The following PI4KA variants were observed in gnomAD, a reference collection of about 807,000 sequenced individuals.
PI4KA encodes PI4-kinase alpha.
A neutral mutation model predicts 271.4 loss-of-function variants in PI4KA; 122 were observed. That is an observed-to-expected ratio of 0.45 (90% CI 0.39 to 0.52). The LOEUF is 0.52. PI4KA is among the 20% of genes least tolerant of loss of function. The pLI is 0.00. For missense variants in PI4KA, 1,969 were observed against 2,769.1 expected, an observed-to-expected ratio of 0.71 and a Z score of 6.48; for synonymous variants, 1,041 against 1,078.8, an observed-to-expected ratio of 0.96 and a Z score of 0.69.
rs1434716073 is a variant in PI4KA, at chr22:20,709,978, C to T, written c.6103G>A (p.Val2035Ile). 8.7e-6 allele frequency: 14 copies of T among 1,613,284 alleles called. No homozygotes were observed. Among genetic ancestry groups the T allele is most frequent in the African/African-American group, 4.0e-5 (3 of 74,892 alleles). Reference sequence around the variant, plus strand: ...TCCAACATGAGAGTGACCAGGGAGACGACCGCGTCCATGTAGGGCCTGGGG... The same window carrying T: ...TCCAACATGAGAGTGACCAGGGAGATGACCGCGTCCATGTAGGGCCTGGGG... ...LAVRPYMDAV[V>I]SLVTLMLDTG... The change falls in exon 53 of 55, where the codon GTC (valine) becomes ATC (isoleucine). Residue 2035 changes from valine (V) to isoleucine (I), a missense_variant. Physicochemically the swap from Val to Ile is conservative, Grantham distance 29 (BLOSUM62 3). Coordinates refer to ENST00000255882, the MANE Select transcript of PI4KA (RefSeq NM_058004.4).
At chr22:20,759,801 G>A (rs1343871212) in intron 23 of PI4KA, among the ~76,000 whole-genome samples, 1 of 152,168 alleles carries the variant, frequency 6.6e-6, no homozygotes, top group Non-Finnish European at 1.5e-5. Flanking sequence ...TCCTGACCTT[G>A]TGATCTGCCT....
chr22:20,796,392 C>T (rs563859210), intron 17 of PI4KA, 78 bp from the exon 18 acceptor site: 212 of 1,423,076 alleles, frequency 1.5e-4, no homozygotes, highest in Middle Eastern at 2.2e-4. Flanking sequence ...AGGGGTGAGG[C>T]GAGCTGAGCG....
intron 19 of PI4KA, among the ~76,000 whole-genome samples, chr22:20,781,605 G>A (rs1933804363): frequency 6.6e-6 from 1 of 152,240 alleles, no homozygotes; most frequent in Non-Finnish European, 1.5e-5. Context: ...GATAGGCCAA[G>A]CAGGGTCACT....
intron 43 of PI4KA, among the ~76,000 whole-genome samples, chr22:20,719,449 A>C (rs1337393881): frequency 1.3e-5 from 2 of 152,004 alleles, no homozygotes; most frequent in Non-Finnish European, 2.9e-5. Context: ...ATCCTTTGTG[A>C]TGAAATGGGA....
chr22:20,842,185 G>A (rs978202376), intron 1 of PI4KA, among the ~76,000 whole-genome samples: 1 of 151,806 alleles, frequency 6.6e-6, no homozygotes, highest in Non-Finnish European at 1.5e-5. Context: ...CTGAGATTGC[G>A]CCACTGCACT....
chr22:20,849,245 T>G (rs1184967906), intron 1 of PI4KA, among the ~76,000 whole-genome samples: 3 of 152,158 alleles, frequency 2.0e-5, no homozygotes, highest in Non-Finnish European at 4.4e-5. Context: ...ACACCGTTGG[T>G]GGGAATGTAA....
rs117472856 is a variant in PI4KA, at chr22:20,826,001, G to A, written c.368-1587C>T. 5.8e-3 allele frequency among the ~76,000 whole-genome samples: 890 copies of A among 152,220 alleles called. 8 individuals carry two copies. The highest frequency in any genetic ancestry group is 0.055 in the East Asian group (283 of 5,172). ...GCAGCGTTTGGTTTCCTGTTGCTGT[G>A]CTAATTCTCCCATAACGGTCTCCAG... On this transcript the variant is annotated intron_variant, in intron 3 of 54. Transcript: ENST00000255882.
At chr22:20,787,622 C>T in intron 19 of PI4KA, 1 of 174,690 alleles carries the variant, frequency 5.7e-6, no homozygotes, top group Non-Finnish European at 1.2e-5. Flanking sequence ...ATGATGAATG[C>T]CATCAGTCCC....
rs1165856509 is a variant in PI4KA at position 20,823,453 on chromosome 22, T to C, written c.456+873A>G. Among the ~76,000 whole-genome samples, 3 of 152,318 alleles carry C rather than the reference T, an allele frequency of 2.0e-5. No homozygotes were observed. The South Asian group carries it at 6.2e-4, about 32-fold the overall frequency. ...TGCAGACAAGCAACTAGGCACTGTT[T>C]GGAAGAACCTAGGAACAGCAGCATA... On this transcript the variant is annotated intron_variant, in intron 4 of 54. Coordinates refer to ENST00000255882, the MANE Select transcript of PI4KA (RefSeq NM_058004.4).
chr22:20,841,388 G>A lies in PI4KA; in HGVS notation c.157-2657C>T, dbSNP rs192539882. 1.7e-3 allele frequency among the ~76,000 whole-genome samples: 257 copies of A among 152,136 alleles called. 2 individuals carry two copies. The highest frequency in any genetic ancestry group is 6.0e-3 in the African/African-American group (249 of 41,504). On this transcript the variant is annotated intron_variant, in intron 1 of 54. Transcript: ENST00000255882. ...ATCCTCAATTCCTCTGGACTGCCAGGGCCTCCTCTCTTTCAAATGCCCAGA... is the reference window on the plus strand; with the variant it reads ...ATCCTCAATTCCTCTGGACTGCCAGAGCCTCCTCTCTTTCAAATGCCCAGA...
intron 22 of PI4KA, 43 bp downstream of exon 22, chr22:20,764,774 C>A: frequency 6.5e-7 from 1 of 1,548,600 alleles, no homozygotes; most frequent in South Asian, 1.2e-5. Flanking sequence ...AAACCCTGCT[C>A]AAATGTGGAT....
At chr22:20,762,517 T>G (rs759331689) in intron 22 of PI4KA, among the ~76,000 whole-genome samples, 1 of 151,852 alleles carries the variant, frequency 6.6e-6, no homozygotes, top group Non-Finnish European at 1.5e-5. Context: ...CGTCTTAGAG[T>G]CTTCCTCTGC....
At chr22:20,844,545 A>G (rs2147796034) in intron 1 of PI4KA, among the ~76,000 whole-genome samples, 1 of 152,296 alleles carries the variant, frequency 6.6e-6, no homozygotes, top group South Asian at 2.1e-4. Context: ...AAATAATACA[A>G]CTAGCAAATA....
rs568163938 is a variant in PI4KA, at chr22:20,764,897, G to A, written c.2628C>T (p.Pro876=). The A allele has an allele frequency of 4.3e-6, 7 of 1,613,334 alleles. No individual in the cohort carries two copies. Among genetic ancestry groups the A allele is most frequent in the Admixed American group, 1.7e-5 (1 of 59,928 alleles). Reference sequence around the variant, plus strand: ...GCTTGTTGATGAGTGCGGACACCTCGGGAGGGGGGTCCAGCAGGTTGATGA... The same window carrying A: ...GCTTGTTGATGAGTGCGGACACCTCAGGAGGGGGGTCCAGCAGGTTGATGA... ...STIINLLDPP[P]EVSALINKLD... is the part of the protein sequence containing the mutation. The change falls in exon 22 of 55, where the codon CCC becomes CCT. Residue 876 remains proline, a synonymous_variant. Coordinates refer to ENST00000255882, the MANE Select transcript of PI4KA (RefSeq NM_058004.4).
rs1926047130 is a variant in PI4KA, at chr22:20,716,733, C to T, written c.5317+975G>A. On this transcript the variant is annotated intron_variant, in intron 45 of 54. Coordinates refer to ENST00000255882, the MANE Select transcript of PI4KA (RefSeq NM_058004.4). ...GTACAATGCTTCCAGCTCTTTTTGC[C>T]CCTCCCCAGCAGTTGTGGCCTTCCC... Among the ~76,000 whole-genome samples the T allele has an allele frequency of 2.6e-5, 4 of 152,268 alleles. No homozygotes were observed. In the South Asian group the frequency reaches 8.3e-4, roughly 32 times the overall value.
At chr22:20,834,802 T>C (rs1924651147) in intron 2 of PI4KA, 147 bp from the exon 3 acceptor site, 1 of 612,186 alleles carries the variant, frequency 1.6e-6, no homozygotes, top group Non-Finnish European at 2.9e-6. Context: ...TGCATGTAAA[T>C]TCACATGGCA....
intron 13 of PI4KA, among the ~76,000 whole-genome samples, chr22:20,802,355 C>T (rs564151195): frequency 6.6e-6 from 1 of 152,288 alleles, no homozygotes; most frequent in South Asian, 2.1e-4. Flanking sequence ...TCTCAATCAA[C>T]TGTTCAAAAG....
intron 25 of PI4KA, 55 bp downstream of exon 25, chr22:20,752,848 A>G: frequency 6.4e-7 from 1 of 1,563,088 alleles, no homozygotes; most frequent in Non-Finnish European, 8.8e-7. Context: ...CAGCATTTGA[A>G]ATCACAGAAG....
Position 20,799,140 on chromosome 22 carries a change from C to A in PI4KA, c.1957G>T (p.Asp653Tyr), listed in dbSNP as rs1332161105. The change falls in exon 16 of 55, where the codon GAT becomes TAT. Residue 653 changes from aspartate (D) to tyrosine (Y), a missense_variant. By Grantham distance (160) the Asp-to-Tyr change is radical. Transcript: ENST00000255882. Reference sequence around the variant, plus strand: ...CCCAGCTGGTCAATAATCAGCACATCGAGGGGGGAGGGTGGCTGGCAGAAT... The same window carrying A: ...CCCAGCTGGTCAATAATCAGCACATAGAGGGGGGAGGGTGGCTGGCAGAAT... Reference protein sequence around the residue: ...QKFCQPPSPLDVLIIDQLGCL... With the variant: ...QKFCQPPSPLYVLIIDQLGCL... 3 of 1,613,096 alleles carry A rather than the reference C, an allele frequency of 1.9e-6. No homozygotes were observed. The highest frequency in any genetic ancestry group is 1.3e-5 in the African/African-American group (1 of 74,860).
Sources: allele counts gnomAD v4.1 joint callset (sites outside exome capture counted in the v4.1 genomes callset), GRCh38; gene constraint gnomAD v4.1.1; transcripts MANE v1.5; gene names NCBI Gene and HGNC (gene_info 2026-07-23, HGNC 2026-07-21).